The following GYG1 variants were observed in gnomAD, a reference collection of about 807,000 sequenced individuals.
GYG1 encodes the protein glycogenin 1.
A neutral mutation model predicts 41.9 loss-of-function variants in GYG1; 44 were observed. The observed-to-expected ratio is 1.05, with a 90% CI of 0.83 to 1.35. The LOEUF (loss-of-function observed/expected upper bound fraction) is 1.35, where lower values mean the gene tolerates loss of function less well. GYG1 is among the 40% of genes most tolerant of loss of function. The pLI is 0.00. For missense variants in GYG1, 429 were observed against 418.9 expected (o/e 1.02, Z -0.21); for synonymous variants, 141 against 158.1 (o/e 0.89, Z 0.81).
chr3:149,004,110 CTTGCTTTTGT>C (rs1713262678), intron 4 of GYG1: 1 of 152,222 alleles, frequency 6.6e-6, no homozygotes, highest in Non-Finnish European at 1.5e-5. Context: ...GAATGAGATA[CTTGCTTTTGT>C]TCGCAAAACA....
At chr3:149,004,507 AT>A (rs142508421) in intron 4 of GYG1, among the ~76,000 whole-genome samples, 2,620 of 152,316 alleles carry the variant, frequency 0.017, 75 homozygotes, top group African/African-American at 0.06. Flanking sequence ...ACGTTAAAAC[AT>A]TTGCCTGACC....
intron 5 of GYG1, 130 bp downstream of exon 5, chr3:149,009,532 T>G (rs371707016): frequency 2.1e-6 from 2 of 968,308 alleles, no homozygotes; most frequent in Admixed American, 1.7e-5. Context: ...GTTTCTCTTG[T>G]AAGAACCGTG....
intron 5 of GYG1, among the ~76,000 whole-genome samples, chr3:149,022,752 G>A (rs182847207): frequency 1.4e-4 from 21 of 151,844 alleles, no homozygotes; most frequent in African/African-American, 4.6e-4. Flanking sequence ...CCTCAGCCTC[G>A]CAAAGTGCTG....
Position 149,008,488 on chromosome 3 carries a change from A to G in GYG1, c.482-788A>G, listed in dbSNP as rs74923608. Among the ~76,000 whole-genome samples, 1,368 of 152,240 alleles carry G rather than the reference A, an allele frequency of 9.0e-3. 25 individuals are homozygous for G. The highest frequency in any genetic ancestry group is 0.031 in the African/African-American group (1,272 of 41,550). The stretch of plus-strand genomic sequence containing the variant: ...GGACACGGTCCCCCGTCTTTCCCCC[A>G]TCGGCATTTTTCAGGTATGCCTGTG... On this transcript the variant is annotated intron_variant, in intron 4 of 7. Coordinates refer to ENST00000345003, the MANE Select transcript of GYG1 (RefSeq NM_004130.4).
chr3:149,022,560 A>G (rs1714432098), intron 5 of GYG1, among the ~76,000 whole-genome samples: 1 of 129,884 alleles, frequency 7.7e-6, no homozygotes, highest in East Asian at 2.3e-4. Context: ...CAGTGGCGCA[A>G]TCTCGGCTCA....
intron 4 of GYG1, among the ~76,000 whole-genome samples, chr3:148,999,551 C>T (rs1269629166): frequency 1.3e-5 from 2 of 152,096 alleles, no homozygotes; most frequent in Admixed American, 1.3e-4. Flanking sequence ...GTTTACTATC[C>T]ACTTGAATCA....
At chr3:148,994,499 C>T (rs928610624) in intron 2 of GYG1, among the ~76,000 whole-genome samples, 12 of 127,532 alleles carry the variant, frequency 9.4e-5, no homozygotes, top group African/African-American at 2.3e-4. Flanking sequence ...TGCTGGCCCA[C>T]ACTTTCTGGT....
chr3:149,026,348 G>C, intron 6 of GYG1, 104 bp from the exon 7 acceptor site: 1 of 797,702 alleles, frequency 1.3e-6, no homozygotes, highest in East Asian at 2.4e-5. Flanking sequence ...GTATCATTTT[G>C]TTTAAGTTCT....
At chr3:148,994,077 C>G (rs957675342) in intron 1 of GYG1, 65 bp from the exon 2 acceptor site, 4 of 1,421,392 alleles carry the variant, frequency 2.8e-6, no homozygotes, top group Non-Finnish European at 4.0e-6. Flanking sequence ...TGAATGGGTT[C>G]CTGGGGAAAA....
intron 5 of GYG1, among the ~76,000 whole-genome samples, chr3:149,014,794 G>C (rs2107909735): frequency 6.6e-6 from 1 of 151,826 alleles, no homozygotes; most frequent in East Asian, 1.9e-4. Flanking sequence ...CTTGAACCAG[G>C]GAGGCAGAGG....
Position 149,024,263 on chromosome 3 carries a change from T to C in GYG1, c.819T>C (p.Tyr273=). The part of the protein sequence containing the change: ...QFGLVKDTCS[Y]VNVLSDLVYT... ...GCCTTGTCAAAGACACCTGCTCATA[T>C]GTAAATGTGGTAGGTTCTGTTTCTT... Residue 273 remains tyrosine, a synonymous_variant, in exon 6 of 8, where the codon TAT becomes TAC. Coordinates refer to ENST00000345003, the MANE Select transcript of GYG1 (RefSeq NM_004130.4). 2 of 1,591,686 alleles carry C rather than the reference T, an allele frequency of 1.3e-6. No individual in the cohort carries two copies. Among genetic ancestry groups the C allele is most frequent in the Non-Finnish European group, 1.7e-6 (2 of 1,159,502 alleles).
At chr3:149,002,242 C>CT (rs761872844) in intron 4 of GYG1, among the ~76,000 whole-genome samples, 2 of 152,260 alleles carry the variant, frequency 1.3e-5, no homozygotes, top group East Asian at 3.9e-4. Context: ...ATTCCTGCCT[C>CT]TATAAAGTTT....
chr3:149,025,049 C>G (rs998393850), intron 6 of GYG1, among the ~76,000 whole-genome samples: 1 of 152,142 alleles, frequency 6.6e-6, no homozygotes, highest in Non-Finnish European at 1.5e-5. Flanking sequence ...CCTGAAATTT[C>G]ACTTACTAGC....
At chr3:149,010,810 A>C (rs927808552) in intron 5 of GYG1, among the ~76,000 whole-genome samples, 5 of 152,228 alleles carry the variant, frequency 3.3e-5, no homozygotes, top group African/African-American at 1.2e-4. Flanking sequence ...TGAGCAGCAC[A>C]GCCCTTCACT....
chr3:148,995,069 G>A (rs537514842), intron 2 of GYG1, among the ~76,000 whole-genome samples: 119 of 152,302 alleles, frequency 7.8e-4, no homozygotes, highest in African/African-American at 2.7e-3. Context: ...GCTAGGCATG[G>A]TGGCGCGTGC....
chr3:149,022,498 C>CTT lies in GYG1; in HGVS notation c.609-1538_609-1537dup, dbSNP rs71617495. On this transcript the variant is annotated intron_variant, in intron 5 of 7. Transcript: ENST00000345003. The stretch of plus-strand genomic sequence containing the variant: ...AACAGTACCTTTTTTCTTGTTTTGC[C>CTT]TTTTTTTTTTTTTTTTTTGAGATGG... 4.9e-4 allele frequency among the ~76,000 whole-genome samples: 34 copies of CTT among 69,580 alleles called. 3 individuals carry two copies. The highest frequency in any genetic ancestry group is 1.4e-3 in the East Asian group (3 of 2,084). The allele number at this position is 69,580 out of a possible 152,430, so 45.6% of individuals were successfully genotyped here.
chr3:148,994,572 AG>A (rs1411670804), intron 2 of GYG1, among the ~76,000 whole-genome samples: 18 of 152,150 alleles, frequency 1.2e-4, no homozygotes, highest in African/African-American at 3.9e-4. Context: ...GGTGATCTGA[AG>A]GAGTGTGTCA....
Position 149,027,062 on chromosome 3 carries a change from G to C in GYG1, c.*129G>C. The C allele has an allele frequency of 3.2e-6, 3 of 938,130 alleles. No individual in the cohort carries two copies. The highest frequency in any genetic ancestry group is 2.1e-5 in the Admixed American group (1 of 47,056). The allele number at this position is 938,130 out of a possible 1,614,324, so 58.1% of individuals were successfully genotyped here. A position where few individuals can be genotyped will look rare whatever the true frequency, so the allele number is the denominator to read the frequency against. ...TTTCATTAAAACTTATCAGATGAGA[G>C]GCTTTTTTAGGATAAGAGGTGAGAA... On this transcript the variant is annotated 3_prime_UTR_variant, in exon 8 of 8. Coordinates refer to ENST00000345003, the MANE Select transcript of GYG1 (RefSeq NM_004130.4).
chr3:149,026,421 C>G, intron 6 of GYG1, 31 bp from the exon 7 acceptor site: 1 of 1,404,662 alleles, frequency 7.1e-7, no homozygotes, highest in Non-Finnish European at 1.0e-6. Flanking sequence ...CTTGCCCATC[C>G]ATCTTACACT....
Sources: allele counts gnomAD v4.1 joint callset (sites outside exome capture counted in the v4.1 genomes callset), GRCh38; gene constraint gnomAD v4.1.1; transcripts MANE v1.5; gene names NCBI Gene and HGNC (gene_info 2026-07-23, HGNC 2026-07-21).